JADE3: variants seen among roughly 807,000 people sequenced by gnomAD.
JADE3 encodes jade family PHD finger 3, also known as protein Jade-3.
A neutral mutation model predicts 50.1 loss-of-function variants in JADE3; 2 were observed. That is an observed-to-expected ratio of 0.04 (90% CI 0.02 to 0.13). The LOEUF is 0.13. JADE3 is among the 10% of genes least tolerant of loss of function. The pLI, the probability that JADE3 is intolerant of heterozygous loss-of-function variation, is 1.00. For synonymous variants in JADE3, 218 were observed against 232.9 expected (o/e 0.94, Z 0.58); for missense variants, 475 against 634.4 (o/e 0.75, Z 2.70).
At chrX:47,008,362 T>C (rs1928483780) in intron 4 of JADE3, among the ~76,000 whole-genome samples, 1 of 111,874 alleles carries the variant, frequency 8.9e-6, no homozygotes, top group Non-Finnish European at 1.9e-5. Flanking sequence ...TAATCCACAC[T>C]TAGAAGGGAA....
intron 1 of JADE3, among the ~76,000 whole-genome samples, chrX:46,917,834 CCTCT>C (rs572734511): frequency 4.7e-4 from 20 of 42,544 alleles, no homozygotes; most frequent in Admixed American, 3.3e-3. Flanking sequence ...TCTCTCTCAT[CCTCT>C]CTCTCTCTCT....
intron 4 of JADE3, among the ~76,000 whole-genome samples, chrX:47,024,242 A>T (rs1160261524): frequency 4.5e-5 from 5 of 112,245 alleles, no homozygotes; most frequent in Non-Finnish European, 7.5e-5. Flanking sequence ...CCAACACTTT[A>T]GGAGGCCAAG....
intron 4 of JADE3, among the ~76,000 whole-genome samples, chrX:47,016,471 G>A (rs1470270886): frequency 1.8e-5 from 2 of 111,470 alleles, no homozygotes; most frequent in African/African-American, 6.5e-5. Flanking sequence ...GACTCCAAGA[G>A]TGAATGTTTT....
intron 1 of JADE3, chrX:46,913,073 C>T (rs1226061338): frequency 1.8e-5 from 2 of 112,237 alleles, no homozygotes; most frequent in African/African-American, 6.5e-5. Context: ...GCGGCTCTTT[C>T]CTCCGGTGCC....
At chrX:46,998,393 T>G (rs1469639092) in intron 4 of JADE3, 116 bp downstream of exon 4, 1 of 615,032 alleles carries the variant, frequency 1.6e-6, no homozygotes, top group African/African-American at 2.3e-5. Flanking sequence ...TCACATACCA[T>G]TTTCACCAAT....
intron 3 of JADE3, among the ~76,000 whole-genome samples, chrX:46,997,104 A>G (rs1928147724): frequency 8.9e-6 from 1 of 112,120 alleles, no homozygotes; most frequent in Admixed American, 9.5e-5. Context: ...ATGTTGACAC[A>G]TACTTTCCAG....
chrX:46,995,251 G>A (rs1464418825), intron 3 of JADE3, among the ~76,000 whole-genome samples: 2 of 110,578 alleles, frequency 1.8e-5, no homozygotes, highest in South Asian at 3.9e-4. Context: ...GGATGGTCTC[G>A]ATCTCCTGAC....
At chrX:46,922,221 T>G (rs1213465010) in intron 1 of JADE3, among the ~76,000 whole-genome samples, 3 of 111,544 alleles carry the variant, frequency 2.7e-5, no homozygotes, top group Non-Finnish European at 5.6e-5. Flanking sequence ...ATTCTTATCC[T>G]TGTTCCTCCA....
intron 1 of JADE3, among the ~76,000 whole-genome samples, chrX:46,931,570 C>T (rs1162908896): frequency 1.2e-4 from 13 of 109,668 alleles, no homozygotes; most frequent in African/African-American, 4.3e-4. Flanking sequence ...TACAGGTGCC[C>T]GCCACCATGC....
At chrX:46,975,714 C>CTTTTTTTTTTTT (rs782578317) in intron 1 of JADE3, among the ~76,000 whole-genome samples, 3 of 40,524 alleles carry the variant, frequency 7.4e-5, no homozygotes, top group African/African-American at 1.1e-4. Context: ...TTTTCTTTTT[C>CTTTTTTTTTTTT]TTTTTTTTTT....
At chrX:47,024,075 G>A (rs1448534732) in intron 4 of JADE3, among the ~76,000 whole-genome samples, 2 of 112,336 alleles carry the variant, frequency 1.8e-5, no homozygotes, top group South Asian at 3.6e-4. Context: ...TATATCTTTG[G>A]TATGGGATCT....
At chrX:46,917,507 G>C (rs182663497) in intron 1 of JADE3, among the ~76,000 whole-genome samples, 1 of 110,904 alleles carries the variant, frequency 9.0e-6, no homozygotes, top group African/African-American at 3.3e-5. Context: ...CTGTGAGGGA[G>C]ACCAGCATGG....
At chrX:46,926,602 C>T (rs183278449) in intron 1 of JADE3, among the ~76,000 whole-genome samples, 6 of 112,088 alleles carry the variant, frequency 5.4e-5, no homozygotes, top group Admixed American at 3.8e-4. Context: ...CCACAATCCA[C>T]CACAATCAAG....
chrX:46,915,103 A>C (rs1447833543), intron 1 of JADE3, among the ~76,000 whole-genome samples: 1 of 111,626 alleles, frequency 9.0e-6, no homozygotes, highest in African/African-American at 3.3e-5. Flanking sequence ...CTTTCTGCCC[A>C]CTGCTTTGAG....
chrX:47,033,939 C>T, intron 7 of JADE3, 151 bp downstream of exon 7: 1 of 448,761 alleles, frequency 2.2e-6, no homozygotes, highest in Non-Finnish European at 3.7e-6. Flanking sequence ...ACCTCAGATC[C>T]TTATTGGATG....
chrX:46,974,550 T>G (rs1437314737), intron 1 of JADE3, among the ~76,000 whole-genome samples: 1 of 112,253 alleles, frequency 8.9e-6, no homozygotes, highest in African/African-American at 3.2e-5. Flanking sequence ...CCTGAAAGCC[T>G]AAGGGAGCTA....
intron 1 of JADE3, among the ~76,000 whole-genome samples, chrX:46,954,018 G>A (rs1277275181): frequency 1.8e-5 from 2 of 111,654 alleles, no homozygotes; most frequent in African/African-American, 6.5e-5. Flanking sequence ...AAGGATAAAT[G>A]CACTGCTTTG....
chrX:46,979,622 A>G (rs782223229), intron 1 of JADE3, among the ~76,000 whole-genome samples: 3 of 111,673 alleles, frequency 2.7e-5, no homozygotes, highest in Non-Finnish European at 5.6e-5. Flanking sequence ...TTTTAAAGAA[A>G]TGACCGAAAT....
At chrX:47,056,233 T>G in intron 10 of JADE3, 34 bp downstream of exon 10, 2 of 747,819 alleles carry the variant, frequency 2.7e-6, no homozygotes, top group Non-Finnish European at 4.2e-6. Flanking sequence ...CTAACAAATA[T>G]GTAGACTCTG....
Sources: gnomAD v4.1 joint callset for allele counts (sites outside exome capture counted in the v4.1 genomes callset) on GRCh38, gnomAD v4.1.1 for gene constraint, MANE v1.5 for transcripts, NCBI Gene and HGNC (gene_info 2026-07-23, HGNC 2026-07-21) for gene names.